The following SLC16A10 variants were observed in gnomAD, a reference collection of about 807,000 sequenced individuals.
SLC16A10 encodes the protein solute carrier family 16 member 10.
In SLC16A10, 27 loss-of-function variants were observed where a neutral mutation model predicts 40.0. The observed-to-expected ratio is 0.67, with a 90% confidence interval of 0.50 to 0.93. The LOEUF is 0.93. Among genes scored for constraint, SLC16A10 ranks in the 40% least tolerant of loss-of-function variants. The probability of loss-of-function intolerance (pLI) is 0.00; values close to 1 mark genes in which losing one functional copy is unlikely to be tolerated. For missense variants in SLC16A10, 529 were observed against 658.2 expected (o/e 0.80, Z 2.15); for synonymous variants, 213 against 249.8 (o/e 0.85, Z 1.39).
chr6:111,179,515 A>G (rs537484229), intron 3 of SLC16A10, among the ~76,000 whole-genome samples: 2 of 152,198 alleles, frequency 1.3e-5, no homozygotes, highest in African/African-American at 4.8e-5. Context: ...CCCTGGATAT[A>G]TTACCAAATG....
At chr6:111,141,209 TA>T (rs1485037067) in intron 1 of SLC16A10, among the ~76,000 whole-genome samples, 1 of 152,224 alleles carries the variant, frequency 6.6e-6, no homozygotes, top group African/African-American at 2.4e-5. Context: ...GTAGTTATTC[TA>T]AAAAATTAAT....
At chr6:111,215,012 G>C (rs781755783) in intron 4 of SLC16A10, among the ~76,000 whole-genome samples, 1 of 152,016 alleles carries the variant, frequency 6.6e-6, no homozygotes, top group African/African-American at 2.4e-5. Context: ...CCAGCTACTC[G>C]GGAGGCTGAG....
In SLC16A10 at chr6:111,102,972, C is replaced by T. The variant is rs58651887; in HGVS notation, c.343+14877C>T. 1.7e-3 allele frequency among the ~76,000 whole-genome samples: 257 copies of T among 152,284 alleles called. 3 individuals are homozygous for T. The highest frequency in any genetic ancestry group is 5.7e-3 in the African/African-American group (235 of 41,552). On this transcript the variant is annotated intron_variant, in intron 1 of 5. Coordinates refer to ENST00000368851, the MANE Select transcript of SLC16A10 (RefSeq NM_018593.5). Reference sequence around the variant, plus strand: ...GCTGGAGTACATACGGTTGCACGCTCATGGCTCACTGCAGCCTTGACTTCC... The same window carrying T: ...GCTGGAGTACATACGGTTGCACGCTTATGGCTCACTGCAGCCTTGACTTCC...
At chr6:111,094,831 G>A (rs1337973766) in intron 1 of SLC16A10, among the ~76,000 whole-genome samples, 2 of 152,060 alleles carry the variant, frequency 1.3e-5, no homozygotes, top group Admixed American at 1.3e-4. Flanking sequence ...TGTGGAGATG[G>A]CATCTTGCTA....
chr6:111,156,975 G>A (rs1772281553), intron 1 of SLC16A10, among the ~76,000 whole-genome samples: 2 of 152,172 alleles, frequency 1.3e-5, no homozygotes, highest in South Asian at 4.1e-4. Flanking sequence ...CTGTAGTGCA[G>A]TGGTGAAATC....
Position 111,177,207 on chromosome 6 carries a change from T to C in SLC16A10, c.489-5T>C, listed in dbSNP as rs538473652. On this transcript the variant is annotated splice_polypyrimidine_tract_variant and splice_region_variant and intron_variant, in intron 2 of 5. Coordinates refer to ENST00000368851, the MANE Select transcript of SLC16A10 (RefSeq NM_018593.5). ...CTGCTTTCCATCTTTTTCATCTTTA[T>C]ACAGTTCCATCGAGCCTCTGTACCT... is the stretch of plus-strand genomic sequence containing the variant. The C allele has an allele frequency of 1.0e-5, 15 of 1,500,780 alleles. No individual in the cohort carries two copies. The Admixed American group carries it at 2.9e-4, about 29-fold the overall frequency. 93.0% of individuals were successfully genotyped at this position (1,500,780 alleles called of 1,614,324 possible). A position where few individuals can be genotyped will look rare whatever the true frequency, so the allele number is the denominator to read the frequency against.
At chr6:111,167,623 T>TATTTATTG (rs1772500593) in intron 1 of SLC16A10, among the ~76,000 whole-genome samples, 2 of 150,300 alleles carry the variant, frequency 1.3e-5, no homozygotes, top group Non-Finnish European at 3.0e-5. Flanking sequence ...GCTCGATTGT[T>TATTTATTG]ATTTATTTAT....
intron 1 of SLC16A10, among the ~76,000 whole-genome samples, chr6:111,122,198 G>A (rs200324308): frequency 6.6e-5 from 10 of 152,298 alleles, no homozygotes; most frequent in South Asian, 4.1e-4. Flanking sequence ...GGCTGGCAGC[G>A]TGCTGGCATA....
chr6:111,101,006 AT>A (rs1562397255), intron 1 of SLC16A10, among the ~76,000 whole-genome samples: 2 of 141,514 alleles, frequency 1.4e-5, no homozygotes, highest in African/African-American at 5.3e-5. Context: ...ATATATATAT[AT>A]ATATATATAT....
In SLC16A10 at chr6:111,093,170, A is replaced by G. The variant is rs149687164; in HGVS notation, c.343+5075A>G. 3.4e-3 allele frequency among the ~76,000 whole-genome samples: 523 copies of G among 152,316 alleles called. 5 individuals carry two copies. Among genetic ancestry groups the G allele is most frequent in the Non-Finnish European group, 1.5e-3 (101 of 68,016 alleles). On this transcript the variant is annotated intron_variant, in intron 1 of 5. Coordinates refer to ENST00000368851, the MANE Select transcript of SLC16A10 (RefSeq NM_018593.5). ...TTTTTATTTGTTTTGAGATTGTGCC[A>G]TTTCACTCCAGCCTGGGCAACAAGA... is the stretch of plus-strand genomic sequence containing the variant.
chr6:111,152,405 A>G (rs1032994273), intron 1 of SLC16A10, among the ~76,000 whole-genome samples: 4 of 152,256 alleles, frequency 2.6e-5, no homozygotes, highest in African/African-American at 7.2e-5. Flanking sequence ...TATTTGTTGA[A>G]TGAATGAAGG....
chr6:111,109,397 A>G (rs1771344361), intron 1 of SLC16A10, among the ~76,000 whole-genome samples: 2 of 149,334 alleles, frequency 1.3e-5, no homozygotes, highest in South Asian at 2.1e-4. Context: ...TGTGGTATGT[A>G]TTAGTAGTTC....
rs200318165 is a variant in SLC16A10 at position 111,206,081 on chromosome 6, CT to C, written c.943-497del. Among the ~76,000 whole-genome samples the C allele has an allele frequency of 4.0e-3, 569 of 142,672 alleles. 1 individual carries two copies. Among genetic ancestry groups the C allele is most frequent in the East Asian group, 0.023 (114 of 5,006 alleles). The allele number at this position is 142,672 out of a possible 152,430, so 93.6% of individuals were successfully genotyped here. A position where few individuals can be genotyped will look rare whatever the true frequency, so the allele number is the denominator to read the frequency against. ...AAAAATAAAAACTCTTATAAACATG[CT>C]TTTTTTTTTTTTTGGAGACGGAGTC... is the stretch of plus-strand genomic sequence containing the variant. On this transcript the variant is annotated intron_variant, in intron 3 of 5. Transcript: ENST00000368851.
chr6:111,124,379 G>A (rs1332962350), intron 1 of SLC16A10, among the ~76,000 whole-genome samples: 7 of 149,000 alleles, frequency 4.7e-5, no homozygotes, highest in African/African-American at 1.5e-4. Context: ...TTTAAGAGAC[G>A]GAGTCTGGCT....
chr6:111,121,103 A>G (rs1324002906), intron 1 of SLC16A10, among the ~76,000 whole-genome samples: 1 of 152,226 alleles, frequency 6.6e-6, no homozygotes, highest in African/African-American at 2.4e-5. Flanking sequence ...GGAATATACA[A>G]TACAACCAGC....
intron 1 of SLC16A10, among the ~76,000 whole-genome samples, chr6:111,121,940 C>T (rs1771591275): frequency 6.6e-6 from 1 of 152,218 alleles, no homozygotes; most frequent in South Asian, 2.1e-4. Context: ...CTTCCCACCT[C>T]CCCAGGATGG....
At chr6:111,123,775 A>T (rs535465756) in intron 1 of SLC16A10, among the ~76,000 whole-genome samples, 14 of 152,036 alleles carry the variant, frequency 9.2e-5, no homozygotes, top group Non-Finnish European at 2.1e-4. Flanking sequence ...AACTTCTGTG[A>T]CCCTTGGCTC....
chr6:111,223,498 TTAAA>T lies in SLC16A10; in HGVS notation c.*1264_*1267del, dbSNP rs1770939808. On this transcript the variant is annotated 3_prime_UTR_variant, in exon 6 of 6. Transcript: ENST00000368851. ...AATTATGCTTTAGTACTTGAGGCCT[TTAAA>T]AGTTAGTGCTTTTGATTGTGAAGAC... is the stretch of plus-strand genomic sequence containing the variant. 1 of 152,182 alleles carries T rather than the reference TTAAA, an allele frequency of 6.6e-6. No individual in the cohort carries two copies. The highest frequency in any genetic ancestry group is 2.4e-5 in the African/African-American group (1 of 41,452). 9.4% of individuals were successfully genotyped at this position (152,182 alleles called of 1,614,324 possible).
At position 111,089,086 on chromosome 6, in the gene SLC16A10, C is replaced by T. The variant is rs368371246; in HGVS notation, c.343+991C>T. Among the ~76,000 whole-genome samples the T allele has an allele frequency of 1.7e-4, 26 of 151,994 alleles. No individual in the cohort carries two copies. The South Asian group carries it at 5.4e-3, about 32-fold the overall frequency. ...CCTCCCTCCCCATCATTTGGGGTAA[C>T]TTTATATGATTAATAGTCTTTTTTT... On this transcript the variant is annotated intron_variant, in intron 1 of 5. Coordinates refer to ENST00000368851, the MANE Select transcript of SLC16A10 (RefSeq NM_018593.5).
Sources: gnomAD v4.1 joint callset for allele counts (sites outside exome capture counted in the v4.1 genomes callset) on GRCh38, gnomAD v4.1.1 for gene constraint, MANE v1.5 for transcripts, NCBI Gene and HGNC (gene_info 2026-07-23, HGNC 2026-07-21) for gene names.